POMT1: variants seen among roughly 807,000 people sequenced by gnomAD.
POMT1 encodes protein O-mannosyl-transferase 1.
In POMT1, 85 loss-of-function variants were observed where a neutral mutation model predicts 101.6. The observed-to-expected ratio is 0.84, with a 90% CI of 0.70 to 1.00. The LOEUF is 1.00. POMT1 is among the 50% of genes least tolerant of loss of function. POMT1 has a pLI of 0.00. For missense variants in POMT1, 857 were observed against 930.4 expected (o/e 0.92, Z 1.03); for synonymous variants, 371 against 383.0 (o/e 0.97, Z 0.37).
chr9:131,513,920 C>A (rs1012404597), intron 12 of POMT1, among the ~76,000 whole-genome samples: 5 of 152,226 alleles, frequency 3.3e-5, no homozygotes, highest in Non-Finnish European at 7.3e-5. Flanking sequence ...CAGGCCCAGT[C>A]CCGGGGCTAC....
chr9:131,504,421 T>C, intron 2 of POMT1, 81 bp downstream of exon 2: 1 of 1,604,756 alleles, frequency 6.2e-7, no homozygotes. Flanking sequence ...ATAGCATAAA[T>C]GGGAGAGTGA....
chr9:131,522,140 TCCTC>T lies in POMT1; in HGVS notation c.1920_1923del (p.Leu641ThrfsTer80), dbSNP rs758754921. ...TTCTTCCTGATGGAGAAGACACTCTTCCTCTACCACTACCTGCCCGCACTCACCT... is the reference window on the plus strand; with the variant it reads ...TTCTTCCTGATGGAGAAGACACTCTTTACCACTACCTGCCCGCACTCACCT... On this transcript the variant is annotated frameshift_variant, in exon 19 of 20. Transcript: ENST00000402686. LOFTEE classifies it high-confidence loss of function. This position sits in a 1 kb window ranked among gnomAD's most constrained non-coding sequence, Gnocchi z 5.5. 1.2e-6 allele frequency: 2 copies of T among 1,614,134 alleles called. No homozygotes were observed. Among genetic ancestry groups the T allele is most frequent in the Non-Finnish European group, 1.7e-6 (2 of 1,180,042 alleles).
rs1454750740 is a variant in POMT1 at position 131,520,225 on chromosome 9, T to C, written c.1698+32T>C. ...GAGCGATGCTGACAGCTGACAGTCA[T>C]AGATTCATCCTGTTTCTTGAGAATT... is the stretch of plus-strand genomic sequence containing the variant. On this transcript the variant is annotated intron_variant, in intron 17 of 19. Transcript: ENST00000402686. 7.1e-6 allele frequency: 11 copies of C among 1,542,650 alleles called. No individual in the cohort carries two copies. In the East Asian group the frequency reaches 1.8e-4, roughly 25 times the overall value.
chr9:131,509,375 T>G (rs1946596567), intron 6 of POMT1, among the ~76,000 whole-genome samples: 1 of 152,166 alleles, frequency 6.6e-6, no homozygotes, highest in Non-Finnish European at 1.5e-5. Context: ...GGTCTCAAAC[T>G]CCTGACCTCA....
chr9:131,517,266 T>C (rs116104270), intron 13 of POMT1, among the ~76,000 whole-genome samples: 2,769 of 151,332 alleles, frequency 0.018, 95 homozygotes, highest in African/African-American at 0.064. Flanking sequence ...GGTCTCACTC[T>C]GTCACCCAGG....
At position 131,519,402 on chromosome 9, in the gene POMT1, G is replaced by T. The variant is rs529200412; in HGVS notation, c.1500G>T (p.Arg500Ser). 9 of 1,552,090 alleles carry T rather than the reference G, an allele frequency of 5.8e-6. No homozygotes were observed. The South Asian group carries it at 1.1e-4, about 18-fold the overall frequency. ...EHRYGASQEQRERERELHSPA... is the reference protein window; with the variant it reads ...EHRYGASQEQSERERELHSPA... ...CTGTTCTGCCAGGCCAGGAGCAGAGGGAGCGGGAACGGGAGCTGCACTCAC... is the reference window on the plus strand; with the variant it reads ...CTGTTCTGCCAGGCCAGGAGCAGAGTGAGCGGGAACGGGAGCTGCACTCAC... The change falls in exon 16 of 20, where the codon AGG becomes AGT. Residue 500 changes from arginine to serine, a missense_variant. Arg to Ser is a moderately radical substitution (Grantham distance 110). Transcript: ENST00000402686. The surrounding 1 kb of genome is among the most constrained non-coding windows in gnomAD (Gnocchi z 4.3).
chr9:131,520,328 T>C (rs1264941558), intron 17 of POMT1, 135 bp downstream of exon 17: 2 of 832,600 alleles, frequency 2.4e-6, no homozygotes, highest in Non-Finnish European at 4.0e-6. Flanking sequence ...GGCCTGTGAC[T>C]TGGTTTTCTC....
In POMT1 at chr9:131,512,117, A is replaced by T. The variant is rs749853448; in HGVS notation, c.1063A>T (p.Ile355Phe). The T allele has an allele frequency of 6.2e-7, 1 of 1,613,916 alleles. No homozygotes were observed. The highest frequency in any genetic ancestry group is 1.7e-5 in the Admixed American group (1 of 59,982). ...YPFKDVNNWWIVKDPRRHQLV... is the reference protein window; with the variant it reads ...YPFKDVNNWWFVKDPRRHQLV... The stretch of plus-strand genomic sequence containing the variant: ...CTTCAAAGATGTCAATAACTGGTGG[A>T]TTGTAAAGGATCCCAGGAGGTGAGT... Residue 355 changes from isoleucine (I) to phenylalanine (F), a missense_variant, in exon 11 of 20, where the codon ATT becomes TTT. Transcript: ENST00000402686.
chr9:131,516,349 A>G (rs1488225064), intron 13 of POMT1, among the ~76,000 whole-genome samples: 2 of 150,654 alleles, frequency 1.3e-5, no homozygotes, highest in African/African-American at 4.9e-5. Context: ...CACACGGAGC[A>G]CTTCCTCACA....
chr9:131,505,355 G>A (rs1211696177), intron 2 of POMT1, among the ~76,000 whole-genome samples: 2 of 142,406 alleles, frequency 1.4e-5, no homozygotes, highest in Admixed American at 7.3e-5. Flanking sequence ...GTAGTGCAAT[G>A]GTGCGATCGT....
chr9:131,503,457 GA>G lies in POMT1; in HGVS notation c.-31+386del. 1 of 155,796 alleles carries G rather than the reference GA, an allele frequency of 6.4e-6. No homozygotes were observed. Among genetic ancestry groups the G allele is most frequent in the East Asian group, 1.9e-4 (1 of 5,248 alleles). The allele number at this position is 155,796 out of a possible 1,614,324, so 9.7% of individuals were successfully genotyped here. On this transcript the variant is annotated intron_variant, in intron 1 of 19. Coordinates refer to ENST00000402686, the MANE Select transcript of POMT1 (RefSeq NM_001077365.2). This position sits in a 1 kb window ranked among gnomAD's most constrained non-coding sequence, Gnocchi z 4.4. ...CAGGACAGATGGGACCTTTTGGGAC[GA>G]AGGCGCTCAAGGCAGATGCAGCTCA...
At chr9:131,509,163 C>CTT (rs199872944) in intron 6 of POMT1, 141 bp downstream of exon 6, 2 of 677,654 alleles carry the variant, frequency 3.0e-6, no homozygotes. Context: ...TGCTAAATAT[C>CTT]TTTTTTTTTG....
intron 16 of POMT1, 69 bp from the exon 17 acceptor site, chr9:131,520,011 T>C (rs1043502435): frequency 6.9e-6 from 9 of 1,297,530 alleles, no homozygotes; most frequent in Non-Finnish European, 1.0e-5. Context: ...GTGTACTCCT[T>C]TGACCAAATC....
rs376471064 is a variant in POMT1 at position 131,511,356 on chromosome 9, C to G, written c.875C>G (p.Thr292Ser). ...ASLEGGLARI[T>S]QGQPLEVAFG... ...TCTCAGGGAGGACTAGCTCGGATCA[C>G]TCAGGGTCAGCCACTGGAGGTGGCC... Residue 292 changes from threonine to serine, a missense_variant, in exon 10 of 20, where the codon ACT (threonine) becomes AGT (serine). Thr to Ser is a moderately conservative substitution (Grantham distance 58, BLOSUM62 1). Transcript: ENST00000402686. 2.0e-5 allele frequency: 33 copies of G among 1,613,782 alleles called. No homozygotes were observed. In the African/African-American group the frequency reaches 4.4e-4, roughly 22 times the overall value.
intron 18 of POMT1, among the ~76,000 whole-genome samples, chr9:131,521,750 C>T (rs751317829): frequency 3.9e-5 from 6 of 152,196 alleles, no homozygotes; most frequent in Non-Finnish European, 5.9e-5. Flanking sequence ...TCCCATGTTG[C>T]GTTAGAGGTG....
rs148086540 is a variant in POMT1, at chr9:131,506,100, G to GT, written c.123-5dup. ...CTAATTGAATATAATATGGGTTGTTGTTTTTTTTTCTAGTTTTGACGAAGT... is the reference window on the plus strand; with the variant it reads ...CTAATTGAATATAATATGGGTTGTTGTTTTTTTTTTCTAGTTTTGACGAAGT... On this transcript the variant is annotated splice_polypyrimidine_tract_variant and intron_variant, in intron 2 of 19. Coordinates refer to ENST00000402686, the MANE Select transcript of POMT1 (RefSeq NM_001077365.2). 0.13 allele frequency: 205,758 copies of GT among 1,575,208 alleles called. 11,010 individuals carry two copies. Among genetic ancestry groups the GT allele is most frequent in the Non-Finnish European group, 0.14 (166,769 of 1,150,768 alleles).
In POMT1 at chr9:131,522,048, T is replaced by C. The variant is rs771815216; in HGVS notation, c.1827T>C (p.Asp609=). The change falls in exon 19 of 20, where the codon GAT becomes GAC. Residue 609 remains aspartate (D), a splice_region_variant and synonymous_variant. Coordinates refer to ENST00000402686, the MANE Select transcript of POMT1 (RefSeq NM_001077365.2). This position sits in a 1 kb window ranked among gnomAD's most constrained non-coding sequence, Gnocchi z 5.5. ...TGTAGCTCGAGCCCTTTCCTATAGA[T>C]GCCTGGCTGCGCTGGGTGCTGGCTG... ...RRRNVHDLPQ[D]AWLRWVLAGA... 8 of 1,613,790 alleles carry C rather than the reference T, an allele frequency of 5.0e-6. No homozygotes were observed. In the East Asian group the frequency reaches 1.3e-4, roughly 27 times the overall value.
chr9:131,518,670 A>G, intron 14 of POMT1, 133 bp downstream of exon 14: 1 of 1,400,718 alleles, frequency 7.1e-7, no homozygotes, highest in African/African-American at 1.4e-5. Flanking sequence ...TCTTACACTG[A>G]GGGAGGGCGG....
At chr9:131,511,536 A>T (rs1229591802) in intron 10 of POMT1, 69 bp downstream of exon 10, 6 of 1,596,316 alleles carry the variant, frequency 3.8e-6, no homozygotes, top group African/African-American at 1.3e-5. Flanking sequence ...TTATCTTAGC[A>T]ACTTTCCCTT....
Sources: gnomAD v4.1 joint callset for allele counts (sites outside exome capture counted in the v4.1 genomes callset) on GRCh38, gnomAD v4.1.1 for gene constraint, Gnocchi (gnomAD v3.1) non-coding constraint, MANE v1.5 for transcripts, NCBI Gene and HGNC (gene_info 2026-07-23, HGNC 2026-07-21) for gene names.